The following OR51B5 variants were observed in gnomAD, a reference collection of about 807,000 sequenced individuals.
OR51B5 encodes olfactory receptor 51B5.
For missense variants in OR51B5, 456 were observed against 374.6 expected (o/e 1.22, Z -1.79); for synonymous variants, 186 against 144.8 (o/e 1.28, Z -2.04).
At chr11:5,481,914 A>G (rs1434246875) in intron 1 of OR51B5, among the ~76,000 whole-genome samples, 2 of 139,202 alleles carry the variant, frequency 1.4e-5, no homozygotes, top group African/African-American at 5.9e-5. Context: ...CAATATCATG[A>G]AAATGGCCAT....
chr11:5,397,362 A>G (rs1393933282), intron 1 of OR51B5, among the ~76,000 whole-genome samples: 1 of 151,978 alleles, frequency 6.6e-6, no homozygotes, highest in Non-Finnish European at 1.5e-5. Context: ...TTACAAGAGA[A>G]AAAAAACCCC....
chr11:5,485,258 C>G (rs942368655), intron 1 of OR51B5, among the ~76,000 whole-genome samples: 1 of 152,176 alleles, frequency 6.6e-6, no homozygotes, highest in African/African-American at 2.4e-5. Context: ...TAAAAATAAC[C>G]TTCCTCTCAC....
Position 5,400,259 on chromosome 11 carries a change from T to A in OR51B5, n.85-53349A>T, listed in dbSNP as rs76730333. ...TCAGAGCATGGTAAGTGTCCAAGGA[T>A]CTTGTATTTAGTCTATTTAGTCAGG... On this transcript the variant is annotated intron_variant and non_coding_transcript_variant, in intron 1 of 4. Transcript: ENST00000415970. Among the ~76,000 whole-genome samples, 622 of 152,320 alleles carry A rather than the reference T, an allele frequency of 4.1e-3. 3 individuals are homozygous for A. The highest frequency in any genetic ancestry group is 0.014 in the African/African-American group (573 of 41,568).
chr11:5,358,498 T>C (rs1849229301), intron 1 of OR51B5, among the ~76,000 whole-genome samples: 1 of 152,156 alleles, frequency 6.6e-6, no homozygotes, highest in African/African-American at 2.4e-5. Context: ...GAGGCAATAA[T>C]TAATAGCTTA....
At chr11:5,426,739 C>T (rs890660110) in intron 1 of OR51B5, among the ~76,000 whole-genome samples, 1 of 152,186 alleles carries the variant, frequency 6.6e-6, no homozygotes, top group Non-Finnish European at 1.5e-5. Context: ...AGGTCTCTCT[C>T]TGTCTCCCTG....
chr11:5,455,859 T>C (rs1328560253), intron 1 of OR51B5: 1 of 152,136 alleles, frequency 6.6e-6, no homozygotes, highest in Non-Finnish European at 1.5e-5. Context: ...ACCAATAATA[T>C]ATGTGTCCTG....
At chr11:5,453,736 G>A (rs764534110) in intron 1 of OR51B5, 39 of 1,613,968 alleles carry the variant, frequency 2.4e-5, no homozygotes, top group African/African-American at 1.6e-4. Context: ...ACTGTACTCC[G>A]AACCTTCTGC....
intron 1 of OR51B5, among the ~76,000 whole-genome samples, chr11:5,373,705 G>A (rs796755428): frequency 2.6e-5 from 4 of 152,104 alleles, no homozygotes; most frequent in East Asian, 1.9e-4. Flanking sequence ...AGGGTCCTAC[G>A]CCCACGGAGT....
At chr11:5,395,058 C>A (rs911505392) in intron 1 of OR51B5, among the ~76,000 whole-genome samples, 3 of 152,222 alleles carry the variant, frequency 2.0e-5, no homozygotes, top group African/African-American at 4.8e-5. Flanking sequence ...CTCTGGCTCA[C>A]TGAAATACCT....
chr11:5,400,460 T>C (rs1181044129), intron 1 of OR51B5, among the ~76,000 whole-genome samples: 1 of 152,242 alleles, frequency 6.6e-6, no homozygotes, highest in Non-Finnish European at 1.5e-5. Flanking sequence ...CTCTTTTTTT[T>C]TTCCTGCACT....
intron 1 of OR51B5, among the ~76,000 whole-genome samples, chr11:5,440,029 C>G (rs1361681859): frequency 6.6e-6 from 1 of 152,154 alleles, no homozygotes; most frequent in Non-Finnish European, 1.5e-5. Context: ...TTCTTCCTGC[C>G]ATCCTGAATC....
chr11:5,381,174 T>TCTCACA (rs1554885861), intron 1 of OR51B5, among the ~76,000 whole-genome samples: 3 of 148,422 alleles, frequency 2.0e-5, no homozygotes, highest in Non-Finnish European at 4.5e-5. Flanking sequence ...TCTCTCTCTC[T>TCTCACA]CACACACACA....
chr11:5,373,643 G>T (rs189954590), intron 1 of OR51B5, among the ~76,000 whole-genome samples: 2 of 152,152 alleles, frequency 1.3e-5, no homozygotes, highest in Non-Finnish European at 2.9e-5. Flanking sequence ...GTGCTTTTCT[G>T]ACAGGCTTAG....
intron 1 of OR51B5, among the ~76,000 whole-genome samples, chr11:5,397,422 T>G (rs1849893930): frequency 6.6e-6 from 1 of 152,214 alleles, no homozygotes; most frequent in East Asian, 1.9e-4. Context: ...AAAGAAGACA[T>G]TTATGCAGCC....
chr11:5,416,583 A>G (rs1850247293), intron 1 of OR51B5, among the ~76,000 whole-genome samples: 1 of 151,496 alleles, frequency 6.6e-6, no homozygotes, highest in Non-Finnish European at 1.5e-5. Context: ...GCAAAATCTC[A>G]GGATAGAAAA....
At chr11:5,409,903 G>A (rs969932133) in intron 1 of OR51B5, among the ~76,000 whole-genome samples, 9 of 49,550 alleles carry the variant, frequency 1.8e-4, no homozygotes, top group African/African-American at 3.6e-4. Flanking sequence ...TCAGTCAGAG[G>A]AAAATGTCTC....
intron 1 of OR51B5, among the ~76,000 whole-genome samples, chr11:5,374,533 C>T (rs1054229082): frequency 5.9e-5 from 9 of 152,052 alleles, no homozygotes; most frequent in African/African-American, 1.7e-4. Flanking sequence ...GAAACTACTC[C>T]GAGCTACAGG....
At chr11:5,418,280 A>T (rs1297316492) in intron 1 of OR51B5, among the ~76,000 whole-genome samples, 1 of 152,100 alleles carries the variant, frequency 6.6e-6, no homozygotes, top group Non-Finnish European at 1.5e-5. Context: ...GGGTAGGGAT[A>T]GCATTGGGAG....
At chr11:5,464,285 G>C (rs1016846007) in intron 1 of OR51B5, among the ~76,000 whole-genome samples, 2 of 152,172 alleles carry the variant, frequency 1.3e-5, no homozygotes, top group African/African-American at 4.8e-5. Flanking sequence ...AGAAAGTTAA[G>C]GTTGATAATT....
Sources: allele counts gnomAD v4.1 joint callset (sites outside exome capture counted in the v4.1 genomes callset), GRCh38; gene constraint gnomAD v4.1.1; transcripts MANE v1.5; gene names NCBI Gene and HGNC (gene_info 2026-07-23, HGNC 2026-07-21).